Variants in SDSL observed in about 807,000 individuals in gnomAD.
The protein encoded by SDSL is serine dehydratase like.
Under a neutral mutation model 27.6 loss-of-function variants are expected in SDSL, and 26 were observed. The observed-to-expected ratio is 0.94, with a 90% CI of 0.69 to 1.31. The LOEUF (loss-of-function observed/expected upper bound fraction) is 1.31. Ranked by LOEUF, SDSL falls within the 50% of genes most tolerant of loss-of-function variation. The probability of loss-of-function intolerance (pLI) is 0.00; values close to 1 mark genes in which losing one functional copy is unlikely to be tolerated. For missense variants in SDSL, 431 were observed against 423.5 expected, an observed-to-expected ratio of 1.02 and a Z score of -0.16; for synonymous variants, 196 against 180.6, an observed-to-expected ratio of 1.09 and a Z score of -0.69.
At chr12:113,434,286 T>C (rs1957965001) in intron 5 of SDSL, 64 bp downstream of exon 5, 2 of 1,277,650 alleles carry the variant, frequency 1.6e-6, no homozygotes, top group Non-Finnish European at 2.2e-6. Flanking sequence ...GTCAGGGTCC[T>C]CCCATTGGGC....
Position 113,437,350 on chromosome 12 carries a change from G to C in SDSL, c.796+475G>C, listed in dbSNP as rs1347416964. Among the ~76,000 whole-genome samples, 3 of 152,340 alleles carry C rather than the reference G, an allele frequency of 2.0e-5. No individual in the cohort carries two copies. The East Asian group carries it at 5.8e-4, about 29-fold the overall frequency. ...GGCCTTCCTGGCATAGGGCATGGCAGGTAGTAGGCACTCAATAGATGTTTG... is the reference window on the plus strand; with the variant it reads ...GGCCTTCCTGGCATAGGGCATGGCACGTAGTAGGCACTCAATAGATGTTTG... On this transcript the variant is annotated intron_variant, in intron 7 of 7. Coordinates refer to ENST00000403593, the MANE Select transcript of SDSL (RefSeq NM_001304993.2).
chr12:113,432,397 A>C (rs925342725), intron 4 of SDSL, among the ~76,000 whole-genome samples: 6 of 151,292 alleles, frequency 4.0e-5, no homozygotes, highest in African/African-American at 1.5e-4. Context: ...GCTGGAGCGC[A>C]GTGGCGCCAT....
chr12:113,428,162 G>C lies in SDSL; in HGVS notation c.174+6G>C, dbSNP rs773322567. The C allele has an allele frequency of 6.2e-7, 1 of 1,605,452 alleles. No individual in the cohort carries two copies. Among genetic ancestry groups the C allele is most frequent in the Non-Finnish European group, 8.5e-7 (1 of 1,175,476 alleles). ...TTGGGCATTTCTGCCAGGAGGTGAG[G>C]GTGTGTGGGAAGGAGGGGAGAAGTG... On this transcript the variant is annotated splice_donor_region_variant and intron_variant, in intron 2 of 7. Transcript: ENST00000403593.
At chr12:113,431,612 C>T (rs536256661) in intron 4 of SDSL, among the ~76,000 whole-genome samples, 5 of 148,870 alleles carry the variant, frequency 3.4e-5, no homozygotes, top group East Asian at 2.0e-4. Context: ...CTTATTCTGT[C>T]GCCCAGGCTG....
At chr12:113,435,206 G>A (rs3803073) in intron 5 of SDSL, 123 bp from the exon 6 acceptor site, 20,266 of 584,028 alleles carry the variant, frequency 0.035, 440 homozygotes, top group Middle Eastern at 0.066. Flanking sequence ...TGGGGATGGT[G>A]GGGAGGGGTT....
At chr12:113,435,273 C>T (rs1283197381) in intron 5 of SDSL, 56 bp from the exon 6 acceptor site, 16 of 1,245,750 alleles carry the variant, frequency 1.3e-5, no homozygotes. Context: ...CCACAGGAGC[C>T]ATCTGGGCTG....
At chr12:113,425,173 C>CT (rs1957832994) in intron 1 of SDSL, among the ~76,000 whole-genome samples, 1 of 152,194 alleles carries the variant, frequency 6.6e-6, no homozygotes, top group Non-Finnish European at 1.5e-5. Flanking sequence ...GAGCTGGTTT[C>CT]TAACTTTTGC....
chr12:113,429,845 A>G (rs1957898136), intron 4 of SDSL, among the ~76,000 whole-genome samples: 1 of 152,186 alleles, frequency 6.6e-6, no homozygotes, highest in African/African-American at 2.4e-5. Flanking sequence ...ACTAAAAGCC[A>G]AACTATGGTA....
intron 4 of SDSL, among the ~76,000 whole-genome samples, chr12:113,433,718 A>G (rs1375832413): frequency 2.0e-5 from 3 of 152,178 alleles, no homozygotes; most frequent in African/African-American, 7.2e-5. Context: ...CTAGCAGGCC[A>G]TCAGCTGGGC....
intron 6 of SDSL, 100 bp from the exon 7 acceptor site, chr12:113,436,651 G>T: frequency 3.2e-6 from 4 of 1,258,162 alleles, no homozygotes; most frequent in Non-Finnish European, 4.2e-6. Flanking sequence ...ACCAGCCCAT[G>T]GCAGGATGGG....
In SDSL at chr12:113,428,462, G is replaced by A. The variant is rs1447783582; in HGVS notation, c.214+3G>A. 6.2e-7 allele frequency: 1 copy of A among 1,611,306 alleles called. No homozygotes were observed. Among genetic ancestry groups the A allele is most frequent in the Non-Finnish European group, 8.5e-7 (1 of 1,179,386 alleles). The stretch of plus-strand genomic sequence containing the variant: ...CAGACACCTGGTGTGCTCCTCAGGT[G>A]ACCCCACCTTTTTTTGTTTCATGGG... On this transcript the variant is annotated splice_donor_region_variant and intron_variant, in intron 3 of 7. Transcript: ENST00000403593.
chr12:113,435,016 G>A (rs912476271), intron 5 of SDSL, among the ~76,000 whole-genome samples: 2 of 152,240 alleles, frequency 1.3e-5, no homozygotes, highest in African/African-American at 4.8e-5. Context: ...TCGGGAGGCT[G>A]AGGCAGGAGA....
intron 4 of SDSL, among the ~76,000 whole-genome samples, chr12:113,432,290 TTCTCTCTCTC>T (rs780184672): frequency 9.6e-6 from 1 of 104,084 alleles, no homozygotes; most frequent in African/African-American, 3.9e-5. Flanking sequence ...CTTTCTTTCT[TTCTCTCTCTC>T]TCTTTCTGTC....
intron 1 of SDSL, among the ~76,000 whole-genome samples, chr12:113,424,862 A>G (rs2136947645): frequency 6.6e-6 from 1 of 152,048 alleles, no homozygotes; most frequent in African/African-American, 2.4e-5. Context: ...CAGCCTCCCA[A>G]GTAGCTGGGA....
intron 5 of SDSL, 104 bp from the exon 6 acceptor site, chr12:113,435,224 AT>A (rs1459644885): frequency 1.4e-6 from 1 of 691,062 alleles, no homozygotes; most frequent in East Asian, 2.8e-5. Context: ...GTTTATGTAT[AT>A]GAGGGGGCAG....
intron 6 of SDSL, among the ~76,000 whole-genome samples, 176 bp downstream of exon 6, chr12:113,435,732 G>A (rs531672680): frequency 1.3e-5 from 2 of 152,268 alleles, no homozygotes; most frequent in African/African-American, 4.8e-5. Context: ...AAGGAGATGA[G>A]GAATATGATT....
intron 2 of SDSL, 57 bp from the exon 3 acceptor site, chr12:113,428,363 T>G: frequency 6.4e-7 from 1 of 1,557,826 alleles, no homozygotes; most frequent in South Asian, 1.2e-5. Context: ...CCATTCCACA[T>G]AGGCCTTCAT....
At chr12:113,432,887 A>G (rs139795181) in intron 4 of SDSL, among the ~76,000 whole-genome samples, 24 of 152,272 alleles carry the variant, frequency 1.6e-4, no homozygotes, top group African/African-American at 5.5e-4. Flanking sequence ...CATGATGTAT[A>G]TGCACCACAT....
At chr12:113,434,912 C>T (rs1445682414) in intron 5 of SDSL, among the ~76,000 whole-genome samples, 1 of 152,122 alleles carries the variant, frequency 6.6e-6, no homozygotes, top group Non-Finnish European at 1.5e-5. Flanking sequence ...GTCAGGAGTT[C>T]GAGGCCAACC....
Sources: allele counts gnomAD v4.1 joint callset (sites outside exome capture counted in the v4.1 genomes callset), GRCh38; gene constraint gnomAD v4.1.1; transcripts MANE v1.5; gene names NCBI Gene and HGNC (gene_info 2026-07-23, HGNC 2026-07-21).